Variants in IFT140 observed in about 807,000 individuals in gnomAD.
The protein encoded by IFT140 is intraflagellar transport 140, also known as intraflagellar transport protein 140 homolog.
In IFT140, 133 loss-of-function variants were observed where a neutral mutation model predicts 164.6. The ratio of observed to expected loss-of-function variants is 0.81; its 90% confidence interval spans 0.70 to 0.93. The LOEUF (loss-of-function observed/expected upper bound fraction) is 0.93. Ranked by LOEUF, IFT140 falls within the 40% of genes least tolerant of loss-of-function variation. IFT140 has a pLI of 0.00. For missense variants in IFT140, 2,045 were observed against 1,972.3 expected (o/e 1.04, Z -0.70); for synonymous variants, 860 against 817.3 (o/e 1.05, Z -0.89).
chr16:1,589,828 GC>G, intron 6 of IFT140, 48 bp from the exon 7 acceptor site: 1 of 1,520,516 alleles, frequency 6.6e-7, no homozygotes, highest in Non-Finnish European at 9.1e-7. Flanking sequence ...TGGTTTATCT[GC>G]TTCCATGACC....
At chr16:1,578,551 T>C (rs1321277848) in intron 13 of IFT140, among the ~76,000 whole-genome samples, 1 of 148,938 alleles carries the variant, frequency 6.7e-6, no homozygotes, top group Non-Finnish European at 1.5e-5. Context: ...AAGTCCAGCC[T>C]GGGTGACATA....
At chr16:1,584,504 C>A (rs937592687) in intron 10 of IFT140, 84 bp from the exon 11 acceptor site, 2 of 1,073,376 alleles carry the variant, frequency 1.9e-6, no homozygotes, top group East Asian at 5.2e-5. Context: ...CTTACACACA[C>A]GAGAACTCAG....
rs771775187 is a variant in IFT140 at position 1,587,800 on chromosome 16, G to A, written c.902+133C>T. On this transcript the variant is annotated intron_variant, in intron 8 of 30. Transcript: ENST00000426508. The stretch of plus-strand genomic sequence containing the variant: ...CCTCAGTCTGGGAGCTGGTGAATGG[G>A]TACGTCCAGTATGAGAGCACTCAGC... 1.0e-4 allele frequency: 71 copies of A among 691,252 alleles called. No homozygotes were observed. In the Middle Eastern group the frequency reaches 1.6e-3, roughly 15 times the overall value. 42.8% of individuals were successfully genotyped at this position (691,252 alleles called of 1,614,324 possible).
intron 26 of IFT140, among the ~76,000 whole-genome samples, chr16:1,522,779 A>T (rs2141159624): frequency 6.6e-6 from 1 of 152,322 alleles, no homozygotes; most frequent in Admixed American, 6.5e-5. Context: ...TGGAGCTTGC[A>T]GTGAGCCGAG....
intron 19 of IFT140, among the ~76,000 whole-genome samples, chr16:1,538,928 A>T (rs2141266092): frequency 6.6e-6 from 1 of 152,294 alleles, no homozygotes; most frequent in East Asian, 1.9e-4. Context: ...TCCCATCTGC[A>T]CAGGCCCTAG....
At position 1,584,242 on chromosome 16, in the gene IFT140, T is replaced by G; in HGVS notation, c.1334A>C (p.His445Pro). The G allele has an allele frequency of 6.2e-7, 1 of 1,613,780 alleles. No individual in the cohort carries two copies. The highest frequency in any genetic ancestry group is 2.2e-5 in the East Asian group (1 of 44,878). Residue 445 changes from histidine to proline, a missense_variant, in exon 11 of 31, where the codon CAC (histidine) becomes CCC (proline). Physicochemically the swap from His to Pro is moderately conservative, Grantham distance 77. Coordinates refer to ENST00000426508, the MANE Select transcript of IFT140 (RefSeq NM_014714.4). ...GVAHSLRTDM[H>P]ISGVFATKDA... is the part of the protein sequence containing the mutation. ...CTTGGTGGCAAACACTCCACTGATG[T>G]GCATGTCGGTGCGCAGGCTGTGTGC...
chr16:1,526,203 C>T (rs531349938), intron 20 of IFT140, 126 bp from the exon 21 acceptor site: 83 of 915,896 alleles, frequency 9.1e-5, no homozygotes, highest in Middle Eastern at 5.7e-4. Flanking sequence ...CACACGGGGC[C>T]GCTGTGGGCA....
In IFT140 at chr16:1,564,300, TG is replaced by T. The variant is rs980675427; in HGVS notation, c.1902-139del. ...ACGCGCTCAGCTCTGGGAGAACTTT[TG>T]GGGTCTCACTGCCATGCGCCCTACT... On this transcript the variant is annotated intron_variant, in intron 16 of 30. Transcript: ENST00000426508. This position sits in a 1 kb window ranked among gnomAD's most constrained non-coding sequence, Gnocchi z 5.5. 2.2e-5 allele frequency: 13 copies of T among 598,236 alleles called. No homozygotes were observed. Among genetic ancestry groups the T allele is most frequent in the Admixed American group, 3.8e-5 (1 of 26,584 alleles). The allele number at this position is 598,236 out of a possible 1,614,324, so 37.1% of individuals were successfully genotyped here.
At chr16:1,577,510 GCTCAGGTGGTTGGCGCCC>G (rs2034337735) in intron 13 of IFT140, 1 of 152,162 alleles carries the variant, frequency 6.6e-6, no homozygotes, top group Non-Finnish European at 1.5e-5. Flanking sequence ...ATTTTCAACT[GCTCAGGTGGTTGGCGCCC>G]CTACCCCTGC....
intron 13 of IFT140, chr16:1,576,921 C>G (rs2034309119): frequency 6.6e-6 from 1 of 152,138 alleles, no homozygotes; most frequent in South Asian, 2.1e-4. Context: ...CCACTGTGCT[C>G]AGTTTCACTC....
At chr16:1,611,244 C>G (rs1348820441) in intron 1 of IFT140, among the ~76,000 whole-genome samples, 2 of 152,176 alleles carry the variant, frequency 1.3e-5, no homozygotes, top group African/African-American at 4.8e-5. Context: ...GCGGGGCTCG[C>G]GCTTGGGCTT....
Position 1,566,196 on chromosome 16 carries a change from T to C in IFT140, c.1866A>G (p.Arg622=), listed in dbSNP as rs528492522. The C allele has an allele frequency of 6.8e-6, 11 of 1,613,900 alleles. 1 individual carries two copies. In the East Asian group the frequency reaches 2.2e-4, roughly 33 times the overall value. ...FDFKTGQIDR[R]ETLSFNEQET... is the part of the protein sequence containing the mutation. Reference sequence around the variant, plus strand: ...CTTGCTCATTAAAGGACAGCGTCTCTCTCCGATCAATTTGTCCAGTCTTGA... The same window carrying C: ...CTTGCTCATTAAAGGACAGCGTCTCCCTCCGATCAATTTGTCCAGTCTTGA... The change falls in exon 16 of 31, where the codon AGA becomes AGG. Residue 622 remains arginine (R), a synonymous_variant. Transcript: ENST00000426508.
At chr16:1,590,148 C>A (rs557655938) in intron 6 of IFT140, among the ~76,000 whole-genome samples, 4 of 148,638 alleles carry the variant, frequency 2.7e-5, no homozygotes, top group Admixed American at 6.7e-5. Flanking sequence ...TTGCAGTGAG[C>A]CAAGATTACG....
chr16:1,516,308 A>G (rs975598301), intron 30 of IFT140, among the ~76,000 whole-genome samples: 3 of 152,192 alleles, frequency 2.0e-5, no homozygotes, highest in African/African-American at 7.2e-5. Flanking sequence ...ATACATGTAC[A>G]TGTTACACAT....
rs1357081679 is a variant in IFT140, at chr16:1,566,228, A to G, written c.1834T>C (p.Phe612Leu). 2 of 1,613,834 alleles carry G rather than the reference A, an allele frequency of 1.2e-6. No individual in the cohort carries two copies. Among genetic ancestry groups the G allele is most frequent in the East Asian group, 4.5e-5 (2 of 44,896 alleles). ...TCAATTTGTCCAGTCTTGAAGTCAA[A>G]GACGGTCACTGTGTCCATTTCAACA... ...YDVEMDTVTV[F>L]DFKTGQIDRR... The change falls in exon 16 of 31, where the codon TTT becomes CTT. Residue 612 changes from phenylalanine (F) to leucine (L), a missense_variant. By Grantham distance (22) the Phe-to-Leu change is conservative. Transcript: ENST00000426508.
At chr16:1,592,096 C>T (rs1377694481) in intron 6 of IFT140, 80 bp downstream of exon 6, 98 of 1,478,330 alleles carry the variant, frequency 6.6e-5, no homozygotes, top group South Asian at 6.0e-4. Flanking sequence ...TATGCAGAAA[C>T]GCCATCTGTG....
At chr16:1,566,413 A>G (rs1486043423) in intron 15 of IFT140, 122 bp from the exon 16 acceptor site, 1 of 848,034 alleles carries the variant, frequency 1.2e-6, no homozygotes, top group Non-Finnish European at 1.8e-6. Flanking sequence ...CCAAGTCCAC[A>G]GGCCACTCAT....
chr16:1,574,558 G>T (rs1009906459), intron 13 of IFT140, among the ~76,000 whole-genome samples: 3 of 152,124 alleles, frequency 2.0e-5, no homozygotes, highest in African/African-American at 7.2e-5. Context: ...TGGGATTACC[G>T]TCATGAGCCA....
Position 1,510,838 on chromosome 16 carries a change from C to G in IFT140, c.*106G>C, listed in dbSNP as rs1268272704. ...CCCAGCTCTGTCGCGTATTCCAACA[C>G]AGACATGTTTTTTCCCAGCAAAAAT... On this transcript the variant is annotated 3_prime_UTR_variant, in exon 31 of 31. Coordinates refer to ENST00000426508, the MANE Select transcript of IFT140 (RefSeq NM_014714.4). 1.9e-6 allele frequency: 2 copies of G among 1,063,074 alleles called. No homozygotes were observed. Among genetic ancestry groups the G allele is most frequent in the African/African-American group, 1.6e-5 (1 of 63,758 alleles). The allele number at this position is 1,063,074 out of a possible 1,614,324, so 65.9% of individuals were successfully genotyped here. A position where few individuals can be genotyped will look rare whatever the true frequency, so the allele number is the denominator to read the frequency against.
Sources: allele counts gnomAD v4.1 joint callset (sites outside exome capture counted in the v4.1 genomes callset), GRCh38; gene constraint gnomAD v4.1.1; non-coding constraint Gnocchi (gnomAD v3.1); transcripts MANE v1.5; gene names NCBI Gene and HGNC (gene_info 2026-07-23, HGNC 2026-07-21).